Variants in SEM1 observed in about 807,000 individuals in gnomAD.
SEM1 encodes SEM1 26S proteasome subunit.
A neutral mutation model predicts 12.7 loss-of-function variants in SEM1; 3 were observed. That is an observed-to-expected ratio of 0.24 (90% CI 0.11 to 0.61). The LOEUF (loss-of-function observed/expected upper bound fraction) is 0.61. Among genes scored for constraint, SEM1 ranks in the 20% least tolerant of loss-of-function variants. SEM1 has a pLI of 0.88. For missense variants in SEM1, 59 were observed against 81.3 expected, an observed-to-expected ratio of 0.73 and a Z score of 1.06; for synonymous variants, 30 against 27.8, an observed-to-expected ratio of 1.08 and a Z score of -0.25.
intron 2 of SEM1, among the ~76,000 whole-genome samples, chr7:96,557,472 T>C (rs1194689273): frequency 1.9e-5 from 2 of 102,760 alleles, no homozygotes; most frequent in African/African-American, 5.6e-5. Flanking sequence ...AGTGTGCCCC[T>C]GCTGGGGGGT....
chr7:96,624,892 T>TCTA (rs966238347), intron 2 of SEM1, among the ~76,000 whole-genome samples: 3 of 152,196 alleles, frequency 2.0e-5, no homozygotes, highest in Non-Finnish European at 4.4e-5. Context: ...TAGCCAATCT[T>TCTA]CTACTAGCTA....
chr7:96,485,048 A>G (rs557361035), intron 2 of SEM1, among the ~76,000 whole-genome samples: 1 of 152,186 alleles, frequency 6.6e-6, no homozygotes, highest in African/African-American at 2.4e-5. Flanking sequence ...CCTGTGCACT[A>G]TGCCATGTTC....
chr7:96,626,425 T>C (rs922846583), intron 2 of SEM1, among the ~76,000 whole-genome samples: 5 of 152,200 alleles, frequency 3.3e-5, no homozygotes, highest in African/African-American at 1.2e-4. Flanking sequence ...TTGATTCATC[T>C]GTTAATGAAC....
chr7:96,557,166 C>A (rs1243007206), intron 2 of SEM1, among the ~76,000 whole-genome samples: 2 of 151,190 alleles, frequency 1.3e-5, no homozygotes, highest in African/African-American at 4.9e-5. Context: ...GTAATTTGAT[C>A]GTCTGAAGCC....
intron 2 of SEM1, among the ~76,000 whole-genome samples, chr7:96,540,038 A>T (rs1187201058): frequency 6.6e-6 from 1 of 150,946 alleles, no homozygotes; most frequent in Admixed American, 6.6e-5. Flanking sequence ...TAATTCAAAA[A>T]TCATCACAAA....
In SEM1 at chr7:96,553,274, C is replaced by T. The variant is rs1199685532; in HGVS notation, c.171-46576G>A. 5.3e-5 allele frequency among the ~76,000 whole-genome samples: 8 copies of T among 151,612 alleles called. No individual in the cohort carries two copies. The East Asian group carries it at 1.5e-3, about 29-fold the overall frequency. On this transcript the variant is annotated intron_variant and NMD_transcript_variant, in intron 2 of 3. Transcript: ENST00000466986. ...TTAGACATGAAGTCCTTGCCCATGC[C>T]TATGTCCTGAATGGTAATGCGTAGG... is the stretch of plus-strand genomic sequence containing the variant.
intron 2 of SEM1, among the ~76,000 whole-genome samples, chr7:96,603,864 A>C (rs923037119): frequency 2.8e-5 from 4 of 140,766 alleles, no homozygotes; most frequent in African/African-American, 1.1e-4. Flanking sequence ...ACATTTAATG[A>C]ACATTGAAAG....
intron 2 of SEM1, among the ~76,000 whole-genome samples, chr7:96,510,395 A>G (rs1021584033): frequency 6.6e-6 from 1 of 152,176 alleles, no homozygotes; most frequent in Admixed American, 6.6e-5. Context: ...AAACCTGTAC[A>G]GCATGTTACT....
intron 2 of SEM1, among the ~76,000 whole-genome samples, chr7:96,554,552 G>A (rs549177094): frequency 1.3e-3 from 194 of 148,974 alleles, no homozygotes; most frequent in South Asian, 3.5e-3. Flanking sequence ...AAGCCCACTT[G>A]ATCATGGTGG....
intron 2 of SEM1, among the ~76,000 whole-genome samples, chr7:96,675,457 G>T (rs1308989003): frequency 6.6e-6 from 1 of 152,134 alleles, no homozygotes; most frequent in East Asian, 1.9e-4. Context: ...GAGCAGTTTT[G>T]TATGGCAGCT....
chr7:96,631,743 A>C (rs1808269088), intron 2 of SEM1, among the ~76,000 whole-genome samples: 1 of 152,232 alleles, frequency 6.6e-6, no homozygotes, highest in African/African-American at 2.4e-5. Flanking sequence ...ACAGCAAAAG[A>C]AACTATCATC....
intron 2 of SEM1, among the ~76,000 whole-genome samples, chr7:96,632,621 G>T (rs113915715): frequency 0.022 from 3,280 of 152,100 alleles, 94 homozygotes; most frequent in African/African-American, 0.075. Context: ...GTTGATGGGT[G>T]CAGCAAATCA....
downstream of SEM1, among the ~76,000 whole-genome samples, chr7:96,621,073 T>C (rs1398724994): frequency 1.3e-5 from 2 of 152,144 alleles, no homozygotes; most frequent in Non-Finnish European, 2.9e-5. Context: ...AAATTTGTAT[T>C]CATTATGTTC....
At chr7:96,690,283 T>C (rs1163239339) in intron 2 of SEM1, among the ~76,000 whole-genome samples, 1 of 152,210 alleles carries the variant, frequency 6.6e-6, no homozygotes, top group Admixed American at 6.5e-5. Context: ...AAGTTCAACC[T>C]ACAATTTAAG....
At chr7:96,689,054 G>A (rs1789846689) in intron 2 of SEM1, 88 bp from the exon 3 acceptor site, 2 of 790,812 alleles carry the variant, frequency 2.5e-6, no homozygotes, top group Admixed American at 2.2e-5. Flanking sequence ...AAATAAATGA[G>A]CTATGCCTGA....
At chr7:96,617,705 A>ATG (rs1040329555), downstream of SEM1, among the ~76,000 whole-genome samples, 35 of 152,280 alleles carry the variant, frequency 2.3e-4, no homozygotes, top group African/African-American at 8.2e-4. Flanking sequence ...ATGTTGAGGT[A>ATG]TGTTTCTTCT....
At chr7:96,528,499 A>C (rs1054267695) in intron 2 of SEM1, among the ~76,000 whole-genome samples, 1 of 152,106 alleles carries the variant, frequency 6.6e-6, no homozygotes, top group Admixed American at 6.6e-5. Context: ...ACCCTGCCCA[A>C]TAATTCTGGA....
At chr7:96,623,493 G>T (rs1022039876) in intron 2 of SEM1, among the ~76,000 whole-genome samples, 3 of 145,546 alleles carry the variant, frequency 2.1e-5, no homozygotes, top group East Asian at 2.0e-4. Flanking sequence ...TATTTAAATA[G>T]ATAAATTTGT....
At chr7:96,700,549 C>G (rs1415604909) in intron 1 of SEM1, among the ~76,000 whole-genome samples, 2 of 152,114 alleles carry the variant, frequency 1.3e-5, no homozygotes, top group Non-Finnish European at 2.9e-5. Flanking sequence ...TGAAAAAAAT[C>G]TGTGTATAAA....
Sources: allele counts gnomAD v4.1 joint callset (sites outside exome capture counted in the v4.1 genomes callset), GRCh38; gene constraint gnomAD v4.1.1; transcripts MANE v1.5; gene names NCBI Gene and HGNC (gene_info 2026-07-23, HGNC 2026-07-21).